The following GABRR1 variants were observed in gnomAD, a reference collection of about 807,000 sequenced individuals.
The protein encoded by GABRR1 is gamma-aminobutyric acid type A receptor subunit rho1.
GABRR1 carries 59 observed loss-of-function variants against 55.5 expected under a neutral mutation model. The observed-to-expected ratio is 1.06, with a 90% CI of 0.86 to 1.32. The LOEUF is 1.32. GABRR1 is among the 40% of genes most tolerant of loss of function. GABRR1 has a pLI of 0.00. For missense variants in GABRR1, 602 were observed against 619.1 expected, an observed-to-expected ratio of 0.97 and a Z score of 0.29; for synonymous variants, 213 against 226.0, an observed-to-expected ratio of 0.94 and a Z score of 0.51.
chr6:89,226,098 C>T lies in GABRR1; in HGVS notation c.-410-4652G>A, dbSNP rs1403398623. Among the ~76,000 whole-genome samples the T allele has an allele frequency of 2.6e-5, 4 of 152,192 alleles. No homozygotes were observed. The South Asian group carries it at 8.3e-4, about 32-fold the overall frequency. ...GTGTCTGTTCATGTCCTTCGCCCAA[C>T]TTTTGATGGGGTTGTTTGTTTTTTT... On this transcript the variant is annotated intron_variant, in intron 1 of 11. Coordinates refer to the GABRR1 transcript ENST00000369451.
chr6:89,223,744 AGTAAGGTGGTATTGCATT>A (rs1773149804), intron 1 of GABRR1, among the ~76,000 whole-genome samples: 1 of 142,104 alleles, frequency 7.0e-6, no homozygotes, highest in African/African-American at 2.6e-5. Context: ...TTCTTGCAGG[AGTAAGGTGGTATTGCATT>A]GTGGGTTTTT....
intron 4 of GABRR1, among the ~76,000 whole-genome samples, 185 bp from the exon 5 acceptor site, chr6:89,198,428 G>A (rs1235463904): frequency 8.4e-6 from 1 of 119,610 alleles, no homozygotes; most frequent in Non-Finnish European, 1.7e-5. Flanking sequence ...CGGGGGGCGG[G>A]GCACAGCGTG....
At chr6:89,189,012 C>T (rs1357972904) in intron 6 of GABRR1, among the ~76,000 whole-genome samples, 1 of 151,380 alleles carries the variant, frequency 6.6e-6, no homozygotes, top group Non-Finnish European at 1.5e-5. Flanking sequence ...TAAAACACAT[C>T]AAAAATGAGC....
At chr6:89,179,780 G>A (rs1178014903) in intron 9 of GABRR1, among the ~76,000 whole-genome samples, 1 of 152,150 alleles carries the variant, frequency 6.6e-6, no homozygotes, top group Admixed American at 6.5e-5. Flanking sequence ...GTTTGCTGGG[G>A]GAGATAACCA....
chr6:89,191,868 T>C (rs113207280), intron 5 of GABRR1, among the ~76,000 whole-genome samples: 1 of 152,008 alleles, frequency 6.6e-6, no homozygotes, highest in African/African-American at 2.4e-5. Flanking sequence ...CTGCTGTCCC[T>C]CCTCAGCTAA....
At position 89,203,458 on chromosome 6, in the gene GABRR1, A is replaced by G. The variant is rs1772544264; in HGVS notation, c.150T>C (p.His50=). The G allele has an allele frequency of 6.2e-7, 1 of 1,613,406 alleles. No homozygotes were observed. The highest frequency in any genetic ancestry group is 8.5e-7 in the Non-Finnish European group (1 of 1,179,496). The part of the protein sequence containing the change: ...GRPQRQRREV[H]EDAHKQVSPI... Reference sequence around the variant, plus strand: ...ACCTGACTTGCTTGTGGGCATCTTCATGTACTTCTCGTCTTTGTCTTTGGG... The same window carrying G: ...ACCTGACTTGCTTGTGGGCATCTTCGTGTACTTCTCGTCTTTGTCTTTGGG... Residue 50 remains histidine (H), a synonymous_variant, in exon 2 of 10, where the codon CAT becomes CAC. Coordinates refer to ENST00000454853, the MANE Select transcript of GABRR1 (RefSeq NM_002042.5).
intron 6 of GABRR1, 106 bp downstream of exon 6, chr6:89,190,059 A>AAG: frequency 3.0e-6 from 2 of 674,404 alleles, no homozygotes; most frequent in Admixed American, 3.2e-5. Flanking sequence ...AAAAAAAAAA[A>AAG]GTCTACTCAT....
At chr6:89,196,836 A>AAAGAAAGAAAG (rs1238547218) in intron 5 of GABRR1, among the ~76,000 whole-genome samples, 2 of 100,438 alleles carry the variant, frequency 2.0e-5, no homozygotes, top group Non-Finnish European at 4.4e-5. Flanking sequence ...AGAAAGAAAG[A>AAAGAAAGAAAG]AAGAAAGAAA....
intron 6 of GABRR1, 123 bp from the exon 7 acceptor site, chr6:89,185,573 G>A: frequency 2.4e-6 from 2 of 818,796 alleles, no homozygotes; most frequent in Non-Finnish European, 3.9e-6. Context: ...ATGATAGTTT[G>A]AAAAACAAAC....
intron 5 of GABRR1, among the ~76,000 whole-genome samples, chr6:89,192,434 C>A (rs1312514443): frequency 6.6e-6 from 1 of 152,160 alleles, no homozygotes; most frequent in Non-Finnish European, 1.5e-5. Flanking sequence ...ACACACACAC[C>A]AAGCTTTTTG....
intron 1 of GABRR1, among the ~76,000 whole-genome samples, chr6:89,222,876 C>T (rs990669579): frequency 5.3e-5 from 8 of 152,134 alleles, no homozygotes; most frequent in African/African-American, 1.4e-4. Context: ...CCCAGCCCAG[C>T]GTTCCACAAC....
chr6:89,197,025 T>G (rs2127797894), intron 5 of GABRR1, among the ~76,000 whole-genome samples: 1 of 152,238 alleles, frequency 6.6e-6, no homozygotes, highest in East Asian at 1.9e-4. Flanking sequence ...ATTTTAAGCA[T>G]TAAAGATGAA....
intron 1 of GABRR1, among the ~76,000 whole-genome samples, chr6:89,208,835 C>A (rs1431229170): frequency 6.6e-6 from 1 of 152,204 alleles, no homozygotes; most frequent in Non-Finnish European, 1.5e-5. Context: ...TGCGAACACT[C>A]CTTGACCCCT....
At chr6:89,188,180 T>C (rs939478149) in intron 6 of GABRR1, among the ~76,000 whole-genome samples, 9 of 152,086 alleles carry the variant, frequency 5.9e-5, no homozygotes, top group African/African-American at 1.9e-4. Flanking sequence ...CCAGCCACCA[T>C]GCCCAGCACA....
intron 1 of GABRR1, among the ~76,000 whole-genome samples, chr6:89,212,515 A>G (rs1227721337): frequency 1.3e-5 from 2 of 152,184 alleles, no homozygotes; most frequent in Non-Finnish European, 2.9e-5. Flanking sequence ...AGAATGCATG[A>G]TAATGTACTT....
intron 1 of GABRR1, among the ~76,000 whole-genome samples, chr6:89,215,948 AGTTT>A (rs1465863164): frequency 1.6e-4 from 25 of 152,182 alleles, no homozygotes; most frequent in African/African-American, 5.8e-4. Context: ...AGACCAACAG[AGTTT>A]GTTGTCGTTG....
At chr6:89,182,963 ACAAT>A (rs1251101062) in intron 7 of GABRR1, among the ~76,000 whole-genome samples, 1 of 152,020 alleles carries the variant, frequency 6.6e-6, no homozygotes, top group Non-Finnish European at 1.5e-5. Context: ...ACTGATTTAA[ACAAT>A]CTCTTTAGAT....
At chr6:89,229,971 CT>C (rs1773256972) in intron 1 of GABRR1, among the ~76,000 whole-genome samples, 1 of 95,084 alleles carries the variant, frequency 1.1e-5, no homozygotes, top group African/African-American at 4.3e-5. Context: ...TCTTTTTATT[CT>C]TTTTTCTCTA....
Position 89,186,925 on chromosome 6 carries a change from G to T in GABRR1, c.656-1475C>A, listed in dbSNP as rs192590551. On this transcript the variant is annotated intron_variant, in intron 6 of 9. Transcript: ENST00000454853. ...TGATGTCAATGTCCCTGCACTCCTT[G>T]GTCCCAGATGATTGGAGCCAGGGGA... 5.0e-4 allele frequency among the ~76,000 whole-genome samples: 76 copies of T among 152,298 alleles called. No homozygotes were observed. In the East Asian group the frequency reaches 6.8e-3, roughly 14 times the overall value.
Sources: allele counts gnomAD v4.1 joint callset (sites outside exome capture counted in the v4.1 genomes callset), GRCh38; gene constraint gnomAD v4.1.1; transcripts MANE v1.5; gene names NCBI Gene and HGNC (gene_info 2026-07-23, HGNC 2026-07-21).